MYO18B: variants seen among roughly 807,000 people sequenced by gnomAD.
MYO18B encodes myosin XVIIIB.
Under a neutral mutation model 273.0 loss-of-function variants are expected in MYO18B, and 204 were observed. The observed-to-expected ratio is 0.75, with a 90% CI of 0.67 to 0.84. MYO18B has a LOEUF of 0.84. MYO18B is among the 40% of genes least tolerant of loss of function. MYO18B has a pLI of 0.00. For missense variants in MYO18B, 3,212 were observed against 3,287.6 expected, an observed-to-expected ratio of 0.98 and a Z score of 0.56; for synonymous variants, 1,330 against 1,305.7, an observed-to-expected ratio of 1.02 and a Z score of -0.40.
intron 1 of MYO18B, among the ~76,000 whole-genome samples, chr22:25,758,262 T>C (rs2086188230): frequency 1.3e-5 from 2 of 151,524 alleles, no homozygotes; most frequent in African/African-American, 4.9e-5. Flanking sequence ...TCCACGCACC[T>C]CGGCCTCCCA....
chr22:25,746,726 A>T (rs545915329), intron 1 of MYO18B, among the ~76,000 whole-genome samples: 194 of 152,366 alleles, frequency 1.3e-3, no homozygotes, highest in African/African-American at 4.4e-3. Flanking sequence ...TAAATTTTTG[A>T]TTTAATTTAG....
intron 25 of MYO18B, among the ~76,000 whole-genome samples, chr22:25,881,673 A>G (rs1191132367): frequency 1.3e-5 from 2 of 152,174 alleles, no homozygotes; most frequent in African/African-American, 4.8e-5. Context: ...TTTACAGGAC[A>G]CTTGGAGAAG....
chr22:25,810,798 A>G (rs2088714923), intron 12 of MYO18B, among the ~76,000 whole-genome samples: 2 of 152,204 alleles, frequency 1.3e-5, no homozygotes, highest in African/African-American at 2.4e-5. Flanking sequence ...CAAAATTCCT[A>G]CATACCGCTT....
intron 40 of MYO18B, among the ~76,000 whole-genome samples, chr22:25,997,305 C>CGAA (rs1933372047): frequency 7.1e-5 from 1 of 14,092 alleles, no homozygotes. Context: ...ACTCTGTCGC[C>CGAA]AAAAAAAAAA....
chr22:25,928,402 CAAAAAA>C (rs71311529), intron 34 of MYO18B, among the ~76,000 whole-genome samples: 3 of 48,066 alleles, frequency 6.2e-5, no homozygotes, highest in Non-Finnish European at 1.3e-4. Context: ...GACCCGGCCT[CAAAAAA>C]AAAAAAAAAA....
Position 25,768,514 on chromosome 22 carries a change from T to C in MYO18B, c.598T>C (p.Cys200Arg). 2.5e-6 allele frequency: 4 copies of C among 1,582,164 alleles called. No individual in the cohort carries two copies. Among genetic ancestry groups the C allele is most frequent in the Non-Finnish European group, 3.4e-6 (4 of 1,165,362 alleles). ...EKKGETSRTP[C>R]GSQASTEILA... Reference sequence around the variant, plus strand: ...GAAAGGGGAGACCTCTAGGACTCCTTGTGGCTCCCAGGCCAGCACCGAGAT... The same window carrying C: ...GAAAGGGGAGACCTCTAGGACTCCTCGTGGCTCCCAGGCCAGCACCGAGAT... The change falls in exon 4 of 44, where the codon TGT (cysteine) becomes CGT (arginine). Residue 200 changes from cysteine to arginine, a missense_variant. Cys to Arg is a radical substitution (Grantham distance 180, BLOSUM62 -3). Coordinates refer to ENST00000335473, the MANE Select transcript of MYO18B (RefSeq NM_032608.7).
At chr22:25,780,590 C>CAAAAAAAA (rs59082074) in intron 9 of MYO18B, among the ~76,000 whole-genome samples, 15 of 65,206 alleles carry the variant, frequency 2.3e-4, no homozygotes, top group East Asian at 1.4e-3. Flanking sequence ...AACTCCATCT[C>CAAAAAAAA]AAAAAAAAAA....
intron 25 of MYO18B, among the ~76,000 whole-genome samples, chr22:25,881,815 A>G (rs143433813): frequency 6.6e-6 from 1 of 152,328 alleles, no homozygotes; most frequent in East Asian, 1.9e-4. Flanking sequence ...GGCCTTGAAA[A>G]ATTAAGATAA....
chr22:25,855,586 CT>C (rs1202278646), intron 21 of MYO18B, among the ~76,000 whole-genome samples: 1 of 152,118 alleles, frequency 6.6e-6, no homozygotes, highest in Non-Finnish European at 1.5e-5. Context: ...GGCCCTCATT[CT>C]TTTTTTGTGA....
chr22:26,027,608 G>A lies in MYO18B; in HGVS notation c.7634G>A (p.Arg2545Gln), dbSNP rs536991088. The change falls in exon 43 of 44, where the codon CGG (arginine) becomes CAG (glutamine). Residue 2545 changes from arginine to glutamine, a missense_variant. Physicochemically the swap from Arg to Gln is conservative, Grantham distance 43. Coordinates refer to ENST00000335473, the MANE Select transcript of MYO18B (RefSeq NM_032608.7). This position sits in a 1 kb window ranked among gnomAD's most constrained non-coding sequence, Gnocchi z 4.1. ...GDGGERTSPE[R>Q]REPGTGRKDD... ...GGTGGCGAGCGAACGTCCCCCGAGC[G>A]GAGAGAGCCAGGGACGGGGAGGAAA... The A allele has an allele frequency of 3.9e-5, 63 of 1,613,924 alleles. No individual in the cohort carries two copies. Among genetic ancestry groups the A allele is most frequent in the Admixed American group, 8.3e-5 (5 of 60,022 alleles).
intron 25 of MYO18B, among the ~76,000 whole-genome samples, chr22:25,885,378 T>C (rs1271267802): frequency 1.3e-5 from 2 of 152,040 alleles, no homozygotes; most frequent in Non-Finnish European, 2.9e-5. Context: ...AAGCATCTAC[T>C]CAGGTGGGAA....
chr22:26,016,919 TTG>T (rs1236194706), intron 42 of MYO18B, among the ~76,000 whole-genome samples: 1 of 152,316 alleles, frequency 6.6e-6, no homozygotes, highest in Admixed American at 6.5e-5. Context: ...AAATGTTTGT[TTG>T]TGTGTTTTTT....
chr22:25,787,511 G>A (rs567248241), intron 11 of MYO18B, among the ~76,000 whole-genome samples: 3 of 152,206 alleles, frequency 2.0e-5, no homozygotes, highest in Admixed American at 2.0e-4. Context: ...TTGAACTCTG[G>A]GGGCTAATCT....
At chr22:26,047,458 G>T in the MYO18B span, among the ~76,000 whole-genome samples, 3 of 152,124 alleles carry the variant, frequency 2.0e-5, no homozygotes, top group South Asian at 6.2e-4. Flanking sequence ...GTATGTTTAG[G>T]GGGGATGCTA....
chr22:25,753,245 G>C (rs550645092), intron 1 of MYO18B, among the ~76,000 whole-genome samples: 1 of 152,202 alleles, frequency 6.6e-6, no homozygotes, highest in Non-Finnish European at 1.5e-5. Context: ...GTGTGGGGGG[G>C]GCGGGGGTTG....
chr22:25,802,693 C>T (rs12162665), intron 12 of MYO18B, among the ~76,000 whole-genome samples: 9,651 of 142,004 alleles, frequency 0.068, 552 homozygotes, highest in East Asian at 0.22. Context: ...GCAGAGCTTG[C>T]GGTGAGCTGA....
chr22:25,865,581 C>T (rs1569127317), intron 21 of MYO18B, among the ~76,000 whole-genome samples: 1 of 152,226 alleles, frequency 6.6e-6, no homozygotes, highest in Non-Finnish European at 1.5e-5. Flanking sequence ...TGCACAAGCA[C>T]AGCCTCAGAA....
At position 25,963,160 on chromosome 22, in the gene MYO18B, C is replaced by CTTCT. The variant is rs1555968884; in HGVS notation, c.6156+7796_6156+7797insTTCT. Among the ~76,000 whole-genome samples, 5 of 132,940 alleles carry CTTCT rather than the reference C, an allele frequency of 3.8e-5. No homozygotes were observed. In the South Asian group the frequency reaches 1.0e-3, roughly 27 times the overall value. The allele number at this position is 132,940 out of a possible 152,430, so 87.2% of individuals were successfully genotyped here. The stretch of plus-strand genomic sequence containing the variant: ...TCTCCTCTCTCTCTCTCCTCTTTCT[C>CTTCT]CTCTCTCTCTCTCTCTCTCACACAC... On this transcript the variant is annotated intron_variant, in intron 39 of 43. Transcript: ENST00000335473.
At chr22:25,981,005 A>G (rs2093143114) in intron 39 of MYO18B, among the ~76,000 whole-genome samples, 1 of 152,124 alleles carries the variant, frequency 6.6e-6, no homozygotes, top group South Asian at 2.1e-4. Context: ...ACATCACTCT[A>G]ATCCTCAATC....
Sources: gnomAD v4.1 joint callset for allele counts (sites outside exome capture counted in the v4.1 genomes callset) on GRCh38, gnomAD v4.1.1 for gene constraint, Gnocchi (gnomAD v3.1) non-coding constraint, MANE v1.5 for transcripts, NCBI Gene and HGNC (gene_info 2026-07-23, HGNC 2026-07-21) for gene names.